The following FAM149A variants were observed in gnomAD, a reference collection of about 807,000 sequenced individuals.
The protein encoded by FAM149A is protein FAM149A.
Under a neutral mutation model 78.2 loss-of-function variants are expected in FAM149A, and 71 were observed. The ratio of observed to expected loss-of-function variants is 0.91; its 90% CI spans 0.75 to 1.11. The LOEUF is 1.11. Among genes scored for constraint, FAM149A ranks in the 50% least tolerant of loss-of-function variants. The probability of loss-of-function intolerance (pLI) is 0.00; values close to 1 mark genes in which losing one functional copy is unlikely to be tolerated. For synonymous variants in FAM149A, 446 were observed against 410.5 expected, an observed-to-expected ratio of 1.09 and a Z score of -1.04; for missense variants, 1,036 against 971.0, an observed-to-expected ratio of 1.07 and a Z score of -0.89.
In FAM149A at chr4:186,173,486, A is replaced by G. The variant is rs1735634512; in HGVS notation, c.*1499A>G. Among the ~76,000 whole-genome samples the G allele has an allele frequency of 9.0e-6, 1 of 111,094 alleles. No individual in the cohort carries two copies. The highest frequency in any genetic ancestry group is 2.8e-4 in the South Asian group (1 of 3,578). 72.9% of individuals were successfully genotyped at this position (111,094 alleles called of 152,430 possible). On this transcript the variant is annotated 3_prime_UTR_variant, in exon 14 of 14. Transcript: ENST00000389354. ...TCCTGCTTCAGCCTCCTGGGTAGCT[A>G]GGATTACAGGTGCATGCCACCACAC...
chr4:186,147,524 C>T (rs1733151395), intron 1 of FAM149A, among the ~76,000 whole-genome samples: 1 of 152,164 alleles, frequency 6.6e-6, no homozygotes, highest in Admixed American at 6.5e-5. Context: ...TGCTTAAAGC[C>T]TCAGTGGCAG....
At chr4:186,109,105 C>T (rs2099310138) in intron 1 of FAM149A, 1 of 869,360 alleles carries the variant, frequency 1.2e-6, no homozygotes, top group East Asian at 1.2e-4. Flanking sequence ...CCTCGGCCTC[C>T]CGAAGTGCTG....
intron 3 of FAM149A, chr4:186,150,945 C>T: frequency 4.3e-6 from 3 of 704,294 alleles, no homozygotes; most frequent in Non-Finnish European, 5.2e-6. Context: ...TGGTTTCGAA[C>T]TCCTGACGTT....
intron 7 of FAM149A, among the ~76,000 whole-genome samples, chr4:186,156,753 C>T (rs1734057483): frequency 6.6e-6 from 1 of 151,988 alleles, no homozygotes; most frequent in South Asian, 2.1e-4. Context: ...TTACTTGAAC[C>T]CAGAGGTTCA....
At position 186,150,367 on chromosome 4, in the gene FAM149A, TGTTG is replaced by T. The variant is rs1561404371; in HGVS notation, c.789+664_789+667del. 2.3e-4 allele frequency among the ~76,000 whole-genome samples: 35 copies of T among 150,704 alleles called. No individual in the cohort carries two copies. The East Asian group carries it at 6.4e-3, about 28-fold the overall frequency. The stretch of plus-strand genomic sequence containing the variant: ...TCGTTTATGCTGGGTGTTTTGTTGT[TGTTG>T]TTGTTGTTTTTTGCTTGCTTGCTTT... On this transcript the variant is annotated intron_variant, in intron 3 of 13. Transcript: ENST00000389354.
Position 186,105,550 on chromosome 4 carries a change from G to A in FAM149A, c.474G>A (p.Val158=), listed in dbSNP as rs2031176904. Reference sequence around the variant, plus strand: ...GAGAGCGAGAGCTCGGCGCCTGCGTGGCCCCCGGGGCTGGCCCCAGAACCC... The same window carrying A: ...GAGAGCGAGAGCTCGGCGCCTGCGTAGCCCCCGGGGCTGGCCCCAGAACCC... The change falls in exon 1 of 14, where the codon GTG becomes GTA. Residue 158 remains valine (V), a synonymous_variant. Coordinates refer to ENST00000389354, the MANE Select transcript of FAM149A (RefSeq NM_001367768.3). 1.8e-6 allele frequency: 2 copies of A among 1,133,644 alleles called. No homozygotes were observed. Among genetic ancestry groups the A allele is most frequent in the African/African-American group, 3.4e-5 (2 of 58,218 alleles). 70.2% of individuals were successfully genotyped at this position (1,133,644 alleles called of 1,614,324 possible). A position where few individuals can be genotyped will look rare whatever the true frequency, so the allele number is the denominator to read the frequency against.
At chr4:186,152,130 G>A in intron 4 of FAM149A, 85 bp downstream of exon 4, 1 of 1,331,448 alleles carries the variant, frequency 7.5e-7, no homozygotes, top group South Asian at 1.2e-5. Flanking sequence ...AGTACATTTG[G>A]TGTGAAAGTG....
Position 186,157,675 on chromosome 4 carries a change from G to A in FAM149A, c.1531G>A (p.Glu511Lys), listed in dbSNP as rs761551279. The A allele has an allele frequency of 1.9e-5, 30 of 1,613,678 alleles. No homozygotes were observed. The highest frequency in any genetic ancestry group is 4.5e-5 in the East Asian group (2 of 44,882). ...CAGTGGCCCCCCGTCCGGACACGCC[G>A]AGGCTCACGGCATCTCCCTGGCTTC... The change falls in exon 8 of 14, where the codon GAG becomes AAG. Residue 511 changes from glutamate (E) to lysine (K), a missense_variant. Glu to Lys is a moderately conservative substitution (Grantham distance 56). Transcript: ENST00000389354.
chr4:186,126,967 A>T (rs1289361065), intron 1 of FAM149A: 1 of 985,292 alleles, frequency 1.0e-6, no homozygotes, highest in East Asian at 1.1e-4. Context: ...ACCACTGAAG[A>T]GGCTTATTGA....
At chr4:186,111,217 C>T in intron 1 of FAM149A, among the ~76,000 whole-genome samples, 1 of 151,144 alleles carries the variant, frequency 6.6e-6, no homozygotes, top group South Asian at 2.1e-4. Context: ...CTGTTCATGT[C>T]CTTCACCCAC....
At position 186,171,514 on chromosome 4, in the gene FAM149A, G is replaced by GA. The variant is rs968578168; in HGVS notation, c.2219-391dup. On this transcript the variant is annotated intron_variant, in intron 13 of 13. Coordinates refer to ENST00000389354, the MANE Select transcript of FAM149A (RefSeq NM_001367768.3). ...ATCAACTTTTATTATTTCTGTGATA[G>GA]AAAAAAAAAGGAGCCAAAGGGGTAT... Among the ~76,000 whole-genome samples the GA allele has an allele frequency of 9.9e-5, 15 of 150,990 alleles. No individual in the cohort carries two copies. In the South Asian group the frequency reaches 1.0e-3, roughly 11 times the overall value.
At chr4:186,153,825 C>T in intron 5 of FAM149A, 55 bp downstream of exon 5, 1 of 1,547,738 alleles carries the variant, frequency 6.5e-7, no homozygotes. Flanking sequence ...TTTAGTTATA[C>T]TTTTTCATGT....
At chr4:186,124,644 G>T (rs184324559) in intron 1 of FAM149A, among the ~76,000 whole-genome samples, 21 of 152,216 alleles carry the variant, frequency 1.4e-4, no homozygotes, top group African/African-American at 4.1e-4. Context: ...GTGCCACATT[G>T]TCTTAATCCA....
chr4:186,108,677 C>G (rs55690219), intron 1 of FAM149A, among the ~76,000 whole-genome samples: 29,190 of 151,910 alleles, frequency 0.19, 3,129 homozygotes, highest in Non-Finnish European at 0.23. Context: ...TTCCTGCATC[C>G]CTGGATACGT....
intron 4 of FAM149A, 66 bp downstream of exon 4, chr4:186,152,111 G>T (rs534345900): frequency 6.7e-7 from 1 of 1,488,478 alleles, no homozygotes; most frequent in African/African-American, 1.4e-5. Flanking sequence ...GACCTGCCTC[G>T]ATACATTCAG....
chr4:186,152,693 T>C (rs1292003079), intron 4 of FAM149A, among the ~76,000 whole-genome samples: 3 of 151,738 alleles, frequency 2.0e-5, no homozygotes, highest in East Asian at 1.9e-4. Flanking sequence ...TACAGGCACC[T>C]GCCACCACGC....
intron 1 of FAM149A, among the ~76,000 whole-genome samples, chr4:186,138,881 T>G (rs1326332333): frequency 1.3e-5 from 2 of 152,152 alleles, no homozygotes; most frequent in Non-Finnish European, 2.9e-5. Context: ...GCTTCCATAC[T>G]GCACTCTTGG....
intron 1 of FAM149A, chr4:186,118,357 T>C: frequency 6.8e-6 from 3 of 439,312 alleles, no homozygotes; most frequent in Non-Finnish European, 6.0e-6. Context: ...TCCCTGTCCA[T>C]GAAGCGGTAA....
chr4:186,125,598 G>T, intron 1 of FAM149A: 1 of 633,110 alleles, frequency 1.6e-6, no homozygotes, highest in Non-Finnish European at 2.0e-6. Flanking sequence ...CGAGGTAAAG[G>T]GAGAGTCAAC....
Sources: allele counts gnomAD v4.1 joint callset (sites outside exome capture counted in the v4.1 genomes callset), GRCh38; gene constraint gnomAD v4.1.1; transcripts MANE v1.5; gene names NCBI Gene and HGNC (gene_info 2026-07-23, HGNC 2026-07-21).